The following ARMC8 variants were observed in gnomAD, a reference collection of about 807,000 sequenced individuals.
ARMC8 encodes armadillo repeat-containing protein 8.
ARMC8 carries 20 observed loss-of-function variants against 99.3 expected under a neutral mutation model. That is an observed-to-expected ratio of 0.20 (90% confidence interval 0.14 to 0.29). ARMC8 has a LOEUF of 0.29. ARMC8 is among the 10% of genes least tolerant of loss of function. ARMC8 has a pLI of 1.00. For missense variants in ARMC8, 569 were observed against 809.5 expected (o/e 0.70, Z 3.60); for synonymous variants, 263 against 278.3 (o/e 0.95, Z 0.55).
chr3:138,250,380 T>G (rs2047068613), intron 12 of ARMC8, among the ~76,000 whole-genome samples: 1 of 152,022 alleles, frequency 6.6e-6, no homozygotes, highest in South Asian at 2.1e-4. Context: ...ACATTGAAGG[T>G]GTAAATAAGA....
intron 12 of ARMC8, among the ~76,000 whole-genome samples, chr3:138,253,147 C>T (rs755276794): frequency 1.3e-5 from 2 of 151,992 alleles, no homozygotes; most frequent in African/African-American, 2.4e-5. Context: ...ATATATTAAG[C>T]CTTTGCTAAA....
intron 14 of ARMC8, among the ~76,000 whole-genome samples, 181 bp from the exon 15 acceptor site, chr3:138,266,974 G>A (rs923562422): frequency 1.1e-4 from 17 of 152,170 alleles, no homozygotes; most frequent in South Asian, 6.2e-4. Context: ...GCGTTAGTCC[G>A]TCATAATTAT....
chr3:138,257,856 T>A (rs2047484647), intron 12 of ARMC8, among the ~76,000 whole-genome samples: 1 of 152,164 alleles, frequency 6.6e-6, no homozygotes. Context: ...TCTCTCTCCC[T>A]GACCTCCTTG....
intron 1 of ARMC8, among the ~76,000 whole-genome samples, chr3:138,191,771 G>T (rs146643537): frequency 6.6e-6 from 1 of 152,166 alleles, no homozygotes; most frequent in South Asian, 2.1e-4. Context: ...GTGACTTTTT[G>T]AGGTTGTTTT....
intron 5 of ARMC8, among the ~76,000 whole-genome samples, chr3:138,227,673 A>T (rs2045764651): frequency 6.6e-6 from 1 of 152,058 alleles, no homozygotes; most frequent in South Asian, 2.1e-4. Flanking sequence ...CCTCCCAACA[A>T]GGGTGTTCTT....
rs564499584 is a variant in ARMC8, at chr3:138,292,479, T to A, written c.1988+1840T>A. The stretch of plus-strand genomic sequence containing the variant: ...AGTGGGGGGATTAGTATTGGAAGTA[T>A]TGAGAAGTGGTTGGATTCAGGATTT... On this transcript the variant is annotated intron_variant, in intron 21 of 21. Coordinates refer to ENST00000469044, the MANE Select transcript of ARMC8 (RefSeq NM_001363941.2). Among the ~76,000 whole-genome samples, 8 of 152,284 alleles carry A rather than the reference T, an allele frequency of 5.3e-5. No individual in the cohort carries two copies. The East Asian group carries it at 1.2e-3, about 22-fold the overall frequency.
chr3:138,281,517 T>C (rs945403967), intron 18 of ARMC8, among the ~76,000 whole-genome samples: 1 of 152,166 alleles, frequency 6.6e-6, no homozygotes, highest in African/African-American at 2.4e-5. Context: ...GGTCTCAATC[T>C]CTTGACCTCG....
At chr3:138,279,997 G>A (rs542138732) in intron 18 of ARMC8, among the ~76,000 whole-genome samples, 41 of 151,430 alleles carry the variant, frequency 2.7e-4, no homozygotes, top group Middle Eastern at 6.8e-3. Flanking sequence ...TCTGCCTCCC[G>A]GGTTCAAACC....
intron 12 of ARMC8, among the ~76,000 whole-genome samples, chr3:138,261,208 C>A (rs1017470363): frequency 2.6e-5 from 4 of 152,120 alleles, no homozygotes; most frequent in Non-Finnish European, 5.9e-5. Context: ...AAGGTCCCAA[C>A]TAGTTTAATG....
intron 2 of ARMC8, 31 bp downstream of exon 2, chr3:138,209,924 A>G: frequency 6.4e-7 from 1 of 1,561,564 alleles, no homozygotes; most frequent in South Asian, 1.1e-5. Context: ...AGTCTATCAA[A>G]AAGTTGTTTG....
chr3:138,220,400 T>A (rs1290917564), intron 2 of ARMC8, among the ~76,000 whole-genome samples: 2 of 152,174 alleles, frequency 1.3e-5, no homozygotes, highest in Non-Finnish European at 2.9e-5. Flanking sequence ...GAGGGATACT[T>A]TACAGAGGGA....
chr3:138,277,430 C>T lies in ARMC8; in HGVS notation c.1725+2886C>T, dbSNP rs561431502. Among the ~76,000 whole-genome samples, 6 of 152,316 alleles carry T rather than the reference C, an allele frequency of 3.9e-5. No individual in the cohort carries two copies. In the South Asian group the frequency reaches 6.2e-4, roughly 16 times the overall value. On this transcript the variant is annotated intron_variant, in intron 18 of 21. Coordinates refer to ENST00000469044, the MANE Select transcript of ARMC8 (RefSeq NM_001363941.2). ...TCATCAAACTGTAAAACTTCTGCGT[C>T]GTGAAATGCACTGTTAAGAGACTGA...
At chr3:138,277,545 A>G (rs2049419097) in intron 18 of ARMC8, among the ~76,000 whole-genome samples, 1 of 152,240 alleles carries the variant, frequency 6.6e-6, no homozygotes, top group Non-Finnish European at 1.5e-5. Context: ...TTCTCAAAAC[A>G]ACAAGAAAAC....
At chr3:138,239,377 C>A in intron 9 of ARMC8, 91 bp from the exon 10 acceptor site, 2 of 990,782 alleles carry the variant, frequency 2.0e-6, no homozygotes, top group African/African-American at 1.7e-5. Context: ...ATTTGGTTTT[C>A]GATTTTTTAA....
rs148883966 is a variant in ARMC8, at chr3:138,268,169, G to T, written c.1386+928G>T. On this transcript the variant is annotated intron_variant, in intron 15 of 21. Transcript: ENST00000469044. ...GAGGCAAGAGAATCACTTGAACCCG[G>T]GAGGCAAAGGTTGCAGTGAGCTGAG... 9.1e-3 allele frequency among the ~76,000 whole-genome samples: 1,388 copies of T among 152,228 alleles called. 25 individuals are homozygous for T. Among genetic ancestry groups the T allele is most frequent in the African/African-American group, 0.032 (1,331 of 41,526 alleles).
chr3:138,236,763 C>T (rs1028966255), intron 7 of ARMC8, among the ~76,000 whole-genome samples: 1 of 151,734 alleles, frequency 6.6e-6, no homozygotes, highest in African/African-American at 2.4e-5. Flanking sequence ...CTCTTAGGAG[C>T]TTCTGGAAAT....
chr3:138,263,871 C>G, intron 13 of ARMC8, 50 bp downstream of exon 13: 1 of 1,533,072 alleles, frequency 6.5e-7, no homozygotes, highest in East Asian at 2.2e-5. Context: ...TATATTTAAC[C>G]TGTTTCCTTT....
At chr3:138,232,193 C>T (rs1280866012) in intron 6 of ARMC8, among the ~76,000 whole-genome samples, 1 of 151,586 alleles carries the variant, frequency 6.6e-6, no homozygotes, top group Non-Finnish European at 1.5e-5. Context: ...CCAGGCTGGT[C>T]TCGAACTCCT....
At chr3:138,286,752 A>T (rs2050461642) in intron 19 of ARMC8, among the ~76,000 whole-genome samples, 1 of 152,184 alleles carries the variant, frequency 6.6e-6, no homozygotes, top group South Asian at 2.1e-4. Context: ...CCTTAGGAGA[A>T]TCTCATCCAC....
Sources: gnomAD v4.1 joint callset for allele counts (sites outside exome capture counted in the v4.1 genomes callset) on GRCh38, gnomAD v4.1.1 for gene constraint, MANE v1.5 for transcripts, NCBI Gene and HGNC (gene_info 2026-07-23, HGNC 2026-07-21) for gene names.